Variants in ROBO1 observed in about 807,000 individuals in gnomAD.
The protein encoded by ROBO1 is roundabout homolog 1.
Under a neutral mutation model 195.9 loss-of-function variants are expected in ROBO1, and 149 were observed. The observed-to-expected ratio is 0.76, with a 90% CI of 0.67 to 0.87. The LOEUF (loss-of-function observed/expected upper bound fraction) is 0.87, where lower values mean the gene tolerates loss of function less well. Ranked by LOEUF, ROBO1 falls within the 40% of genes least tolerant of loss-of-function variation. The pLI is 0.00. For missense variants in ROBO1, 1,933 were observed against 2,068.3 expected, an observed-to-expected ratio of 0.93 and a Z score of 1.27; for synonymous variants, 816 against 733.2, an observed-to-expected ratio of 1.11 and a Z score of -1.82.
chr3:78,786,584 G>A (rs2083842011), intron 4 of ROBO1, among the ~76,000 whole-genome samples: 1 of 152,098 alleles, frequency 6.6e-6, no homozygotes, highest in African/African-American at 2.4e-5. Context: ...CCCGGTAGGA[G>A]GTAATTACAT....
chr3:79,746,929 A>G (rs1177297211), intron 1 of ROBO1, among the ~76,000 whole-genome samples: 1 of 152,088 alleles, frequency 6.6e-6, no homozygotes, highest in African/African-American at 2.4e-5. Context: ...TTCTTTGTAA[A>G]AAAGCATTAT....
intron 10 of ROBO1, among the ~76,000 whole-genome samples, chr3:78,685,014 T>C (rs555490377): frequency 5.3e-5 from 8 of 152,280 alleles, no homozygotes; most frequent in African/African-American, 1.7e-4. Context: ...AGAAATCCCT[T>C]GCCACTGTCA....
chr3:79,004,450 C>T (rs753488693), intron 3 of ROBO1, among the ~76,000 whole-genome samples: 4 of 152,042 alleles, frequency 2.6e-5, no homozygotes, highest in Non-Finnish European at 4.4e-5. Context: ...CACAGACTCT[C>T]GTAGTTTGAA....
At chr3:79,446,982 C>T (rs984150196) in intron 2 of ROBO1, among the ~76,000 whole-genome samples, 1 of 151,970 alleles carries the variant, frequency 6.6e-6, no homozygotes, top group Non-Finnish European at 1.5e-5. Flanking sequence ...CGCCACCATG[C>T]CCAGCTAATT....
intron 3 of ROBO1, among the ~76,000 whole-genome samples, chr3:78,951,610 A>C (rs1030763286): frequency 2.0e-5 from 3 of 152,160 alleles, no homozygotes; most frequent in Non-Finnish European, 2.9e-5. Flanking sequence ...TGCCCTCTGC[A>C]AGAATCCTGG....
chr3:78,917,245 C>T (rs1199929970), intron 4 of ROBO1, among the ~76,000 whole-genome samples: 4 of 151,664 alleles, frequency 2.6e-5, no homozygotes, highest in South Asian at 2.1e-4. Context: ...TATAGGTGCC[C>T]GCCACCACAC....
At chr3:78,720,926 A>T (rs2082026430) in intron 5 of ROBO1, among the ~76,000 whole-genome samples, 1 of 144,180 alleles carries the variant, frequency 6.9e-6, no homozygotes, top group African/African-American at 2.7e-5. Context: ...GCGGAACATC[A>T]CACACTGGGA....
intron 5 of ROBO1, among the ~76,000 whole-genome samples, chr3:78,723,921 C>T (rs534997880): frequency 1.3e-5 from 2 of 152,158 alleles, no homozygotes; most frequent in African/African-American, 4.8e-5. Context: ...TATACTCTCC[C>T]GCATAAATTT....
At position 78,878,520 on chromosome 3, in the gene ROBO1, A is replaced by T. The variant is rs963449224; in HGVS notation, c.499+60081T>A. On this transcript the variant is annotated intron_variant, in intron 4 of 30. Coordinates refer to ENST00000464233, the MANE Select transcript of ROBO1 (RefSeq NM_002941.4). ...GAATCGCTTGAACTGGGGGACAGAG[A>T]TTGCAGTGAGCCGAGATCACACCAC... Among the ~76,000 whole-genome samples the T allele has an allele frequency of 3.0e-5, 4 of 134,310 alleles. No homozygotes were observed. The East Asian group carries it at 1.0e-3, about 34-fold the overall frequency. 88.1% of individuals were successfully genotyped at this position (134,310 alleles called of 152,430 possible). A position where few individuals can be genotyped will look rare whatever the true frequency, so the allele number is the denominator to read the frequency against.
chr3:79,692,391 C>A (rs1947323028), intron 1 of ROBO1, among the ~76,000 whole-genome samples: 1 of 151,758 alleles, frequency 6.6e-6, no homozygotes, highest in Admixed American at 6.6e-5. Flanking sequence ...AGAAAGATTT[C>A]AATGAAACTA....
chr3:79,167,540 T>C (rs115931833), intron 2 of ROBO1, among the ~76,000 whole-genome samples: 2,633 of 152,296 alleles, frequency 0.017, 74 homozygotes, highest in African/African-American at 0.058. Flanking sequence ...AACTATGCAA[T>C]TGCCTTCTAA....
intron 2 of ROBO1, among the ~76,000 whole-genome samples, chr3:79,478,983 C>T (rs1938688037): frequency 6.6e-6 from 1 of 152,182 alleles, no homozygotes. Context: ...CTCCACTAAG[C>T]TGAGGAAAAT....
intron 1 of ROBO1, among the ~76,000 whole-genome samples, chr3:79,651,705 G>A (rs1004949855): frequency 2.6e-5 from 4 of 152,070 alleles, no homozygotes; most frequent in African/African-American, 9.7e-5. Flanking sequence ...TGGGTGAAAT[G>A]GACACATACA....
At chr3:79,505,078 C>T (rs1364417088) in intron 2 of ROBO1, among the ~76,000 whole-genome samples, 2 of 151,788 alleles carry the variant, frequency 1.3e-5, no homozygotes, top group African/African-American at 4.8e-5. Flanking sequence ...TATGTTCTTA[C>T]TTATATTAAA....
chr3:79,328,180 T>C (rs1472925705), intron 2 of ROBO1, among the ~76,000 whole-genome samples: 2 of 152,146 alleles, frequency 1.3e-5, no homozygotes, highest in Non-Finnish European at 2.9e-5. Flanking sequence ...TTATAAACTA[T>C]TTCAATGAAA....
chr3:79,714,501 A>G (rs1576272079), intron 1 of ROBO1, among the ~76,000 whole-genome samples: 1 of 152,210 alleles, frequency 6.6e-6, no homozygotes, highest in Admixed American at 6.5e-5. Context: ...ATTACTGGGT[A>G]TATACCCAAA....
chr3:78,710,376 CATA>C (rs2081653233), intron 8 of ROBO1, among the ~76,000 whole-genome samples: 1 of 152,140 alleles, frequency 6.6e-6, no homozygotes, highest in African/African-American at 2.4e-5. Context: ...TAATTTGTCA[CATA>C]ATAAATTGTC....
At chr3:79,030,960 G>T (rs2108302075) in intron 3 of ROBO1, among the ~76,000 whole-genome samples, 1 of 152,278 alleles carries the variant, frequency 6.6e-6, no homozygotes, top group East Asian at 1.9e-4. Context: ...GAACTCAGGT[G>T]ATCCACCCGC....
intron 2 of ROBO1, among the ~76,000 whole-genome samples, chr3:79,326,458 G>A (rs114347879): frequency 0.044 from 6,719 of 152,186 alleles, 278 homozygotes; most frequent in African/African-American, 0.11. Context: ...CAAACAGGCC[G>A]ATGCTTAGGA....
Sources: allele counts gnomAD v4.1 joint callset (sites outside exome capture counted in the v4.1 genomes callset), GRCh38; gene constraint gnomAD v4.1.1; transcripts MANE v1.5; gene names NCBI Gene and HGNC (gene_info 2026-07-23, HGNC 2026-07-21).